Variants in TLE4 observed in about 807,000 individuals in gnomAD.
The protein encoded by TLE4 is TLE family member 4, transcriptional corepressor, also known as transducin-like enhancer protein 4.
Under a neutral mutation model 92.8 loss-of-function variants are expected in TLE4, and 8 were observed. That is an observed-to-expected ratio of 0.09 (90% CI 0.05 to 0.16). TLE4 has a LOEUF of 0.16. Among genes scored for constraint, TLE4 ranks in the 10% least tolerant of loss-of-function variants. The pLI, the probability that TLE4 is intolerant of heterozygous loss-of-function variation, is 1.00. For missense variants in TLE4, 675 were observed against 997.6 expected, an observed-to-expected ratio of 0.68 and a Z score of 4.36; for synonymous variants, 371 against 374.1, an observed-to-expected ratio of 0.99 and a Z score of 0.10.
In TLE4 at chr9:79,649,040, G is replaced by A. The variant is rs115436204; in HGVS notation, c.391-3553G>A. On this transcript the variant is annotated intron_variant, in intron 6 of 19. Transcript: ENST00000376552. ...TTCAGTGTTCTTGAAGCAGGTGGAGGATATACTGTCTATGACTGCAGATAC... is the reference window on the plus strand; with the variant it reads ...TTCAGTGTTCTTGAAGCAGGTGGAGAATATACTGTCTATGACTGCAGATAC... Among the ~76,000 whole-genome samples the A allele has an allele frequency of 8.2e-3, 1,245 of 152,228 alleles. 21 individuals carry two copies. Among genetic ancestry groups the A allele is most frequent in the African/African-American group, 0.028 (1,146 of 41,514 alleles).
intron 8 of TLE4, among the ~76,000 whole-genome samples, chr9:79,699,635 A>G (rs1439080375): frequency 6.6e-6 from 1 of 152,216 alleles, no homozygotes; most frequent in East Asian, 1.9e-4. Context: ...CAAACAAGCC[A>G]TAACGAATGA....
At chr9:79,658,811 G>T in intron 8 of TLE4, among the ~76,000 whole-genome samples, 1 of 152,144 alleles carries the variant, frequency 6.6e-6, no homozygotes, top group East Asian at 1.9e-4. Flanking sequence ...TAATAGAAAG[G>T]TAGATTAAAA....
chr9:79,638,055 T>G (rs547709313), intron 6 of TLE4, among the ~76,000 whole-genome samples: 2 of 152,014 alleles, frequency 1.3e-5, no homozygotes, highest in Admixed American at 6.6e-5. Context: ...CATTCTAGGA[T>G]GGTTGTTCAG....
chr9:79,651,553 C>T (rs1044995877), intron 6 of TLE4, among the ~76,000 whole-genome samples: 5 of 152,192 alleles, frequency 3.3e-5, no homozygotes, highest in East Asian at 1.9e-4. Context: ...AACACAGAGT[C>T]GGCCGCTAGA....
At chr9:79,640,845 A>G (rs890834188) in intron 6 of TLE4, among the ~76,000 whole-genome samples, 2 of 152,166 alleles carry the variant, frequency 1.3e-5, no homozygotes. Flanking sequence ...AATACTTACT[A>G]GTCTTTATAA....
chr9:79,585,010 G>A (rs1229938005), intron 4 of TLE4, among the ~76,000 whole-genome samples: 2 of 152,104 alleles, frequency 1.3e-5, no homozygotes, highest in African/African-American at 2.4e-5. Context: ...GAATGAATGT[G>A]GAGCAATATC....
chr9:79,627,443 A>G lies in TLE4; in HGVS notation c.385A>G (p.Ile129Val), dbSNP rs865865787. The G allele has an allele frequency of 4.3e-6, 7 of 1,614,188 alleles. No homozygotes were observed. In the Middle Eastern group the frequency reaches 8.2e-4, roughly 190 times the overall value. Residue 129 changes from isoleucine to valine, a missense_variant, in exon 6 of 20, where the codon ATT becomes GTT. By Grantham distance (29) the Ile-to-Val change is conservative. Around this residue, in one of 5 missense-constraint regions of TLE4, gnomAD observed 68 missense variants for 141.2 expected, o/e 0.48. Coordinates refer to ENST00000376552, the MANE Select transcript of TLE4 (RefSeq NM_007005.6). ...QVTMAELNAI[I>V]GQQLQAQHLS... The stretch of plus-strand genomic sequence containing the variant: ...GACCATGGCAGAACTGAACGCCATC[A>G]TTGGGGTACGTGGCCTTTCCATTTT...
At chr9:79,614,770 T>G (rs1480708340) in intron 5 of TLE4, among the ~76,000 whole-genome samples, 1 of 152,142 alleles carries the variant, frequency 6.6e-6, no homozygotes. Context: ...AATTTTAAAC[T>G]TTCTTAAAAC....
At position 79,677,554 on chromosome 9, in the gene TLE4, A is replaced by T. The variant is rs2063497802; in HGVS notation, c.609+23479A>T. Among the ~76,000 whole-genome samples, 5 of 151,152 alleles carry T rather than the reference A, an allele frequency of 3.3e-5. No individual in the cohort carries two copies. In the South Asian group the frequency reaches 1.0e-3, roughly 31 times the overall value. On this transcript the variant is annotated intron_variant, in intron 8 of 19. Coordinates refer to ENST00000376552, the MANE Select transcript of TLE4 (RefSeq NM_007005.6). ...AGATGCCGTGGTAGAAACTTTTTTAATTTTTTTGAATTGGTAATCATGGGT... is the reference window on the plus strand; with the variant it reads ...AGATGCCGTGGTAGAAACTTTTTTATTTTTTTTGAATTGGTAATCATGGGT...
chr9:79,668,614 T>A (rs1047788195), intron 8 of TLE4, among the ~76,000 whole-genome samples: 5 of 152,148 alleles, frequency 3.3e-5, no homozygotes, highest in African/African-American at 4.8e-5. Flanking sequence ...ACAGAAATAG[T>A]TTCCAGATTC....
At chr9:79,674,682 A>T (rs2062970278) in intron 8 of TLE4, among the ~76,000 whole-genome samples, 1 of 152,068 alleles carries the variant, frequency 6.6e-6, no homozygotes, top group African/African-American at 2.4e-5. Flanking sequence ...TAGAGTGTAA[A>T]CTTGTCACGT....
At chr9:79,573,936 G>A in intron 2 of TLE4, 150 bp downstream of exon 2, 2 of 442,148 alleles carry the variant, frequency 4.5e-6, no homozygotes, top group Non-Finnish European at 7.9e-6. Flanking sequence ...GCAAATCAAG[G>A]CCTCCTTCCT....
chr9:79,718,250 A>AT, intron 14 of TLE4, among the ~76,000 whole-genome samples: 1 of 151,842 alleles, frequency 6.6e-6, no homozygotes, highest in East Asian at 1.9e-4. Context: ...AAGCTTCCTG[A>AT]TTTTGGCCTA....
intron 11 of TLE4, chr9:79,707,140 A>G (rs537959738): frequency 1.2e-6 from 2 of 1,613,070 alleles, no homozygotes; most frequent in East Asian, 2.2e-5. Flanking sequence ...ATATGGGGAA[A>G]TTGAGTGAAA....
intron 19 of TLE4, among the ~76,000 whole-genome samples, chr9:79,724,151 T>G (rs549313781): frequency 6.6e-6 from 1 of 152,206 alleles, no homozygotes; most frequent in South Asian, 2.1e-4. Flanking sequence ...GGCTTTTTAC[T>G]AGGAATATTT....
intron 6 of TLE4, among the ~76,000 whole-genome samples, chr9:79,630,461 T>A (rs996365629): frequency 6.6e-6 from 1 of 152,236 alleles, no homozygotes; most frequent in African/African-American, 2.4e-5. Context: ...ATTCCTGTGT[T>A]GGTTTCCCAT....
At chr9:79,618,652 GT>G (rs550777888) in intron 5 of TLE4, among the ~76,000 whole-genome samples, 1 of 151,856 alleles carries the variant, frequency 6.6e-6, no homozygotes, top group Non-Finnish European at 1.5e-5. Context: ...TTCCATGACT[GT>G]TTTTTTTGGT....
rs138266050 is a variant in TLE4 at position 79,675,448 on chromosome 9, A to T, written c.609+21373A>T. The stretch of plus-strand genomic sequence containing the variant: ...ATATCATAGTGATTTATACTTTAAG[A>T]ATACCAAATTGGGGCCCATGGCTTT... On this transcript the variant is annotated intron_variant, in intron 8 of 19. Coordinates refer to ENST00000376552, the MANE Select transcript of TLE4 (RefSeq NM_007005.6). Among the ~76,000 whole-genome samples, 1,086 of 152,324 alleles carry T rather than the reference A, an allele frequency of 7.1e-3. 38 individuals carry two copies. Among genetic ancestry groups the T allele is most frequent in the Admixed American group, 0.065 (990 of 15,302 alleles).
chr9:79,601,599 A>G, intron 4 of TLE4: 1 of 407,388 alleles, frequency 2.5e-6, no homozygotes, highest in South Asian at 1.8e-5. Flanking sequence ...CTATTGTAAT[A>G]GTTTTAGAGT....
Sources: allele counts gnomAD v4.1 joint callset (sites outside exome capture counted in the v4.1 genomes callset), GRCh38; gene constraint gnomAD v4.1.1; regional missense constraint gnomAD v4.1.1; transcripts MANE v1.5; gene names NCBI Gene and HGNC (gene_info 2026-07-23, HGNC 2026-07-21).